DSG3: variants seen among roughly 807,000 people sequenced by gnomAD.
DSG3 encodes the protein desmoglein-3.
DSG3 carries 63 observed loss-of-function variants against 85.9 expected under a neutral mutation model. The ratio of observed to expected loss-of-function variants is 0.73; its 90% CI spans 0.60 to 0.90. The LOEUF (loss-of-function observed/expected upper bound fraction) is 0.90. DSG3 is among the 40% of genes least tolerant of loss of function. The pLI, the probability that DSG3 is intolerant of heterozygous loss-of-function variation, is 0.00. For synonymous variants in DSG3, 447 were observed against 441.9 expected (o/e 1.01, Z -0.14); for missense variants, 1,220 against 1,219.9 (o/e 1.00, Z 0.00).
rs766534357 is a variant in DSG3, at chr18:31,458,523, A to G, written c.295A>G (p.Ile99Val). 51 of 1,613,956 alleles carry G rather than the reference A, an allele frequency of 3.2e-5. No homozygotes were observed. Among genetic ancestry groups the G allele is most frequent in the Non-Finnish European group, 4.2e-5 (50 of 1,179,974 alleles). ...GVGIDQPPFGIFVVDKNTGDI... is the reference protein window; with the variant it reads ...GVGIDQPPFGVFVVDKNTGDI... ...GGGAATCGATCAGCCGCCTTTTGGA[A>G]TCTTTGTTGTTGACAAAAACACTGG... The change falls in exon 4 of 16, where the codon ATC (isoleucine) becomes GTC (valine). Residue 99 changes from isoleucine (I) to valine (V), a missense_variant. By Grantham distance (29) the Ile-to-Val change is conservative (BLOSUM62 3). Transcript: ENST00000257189.
At chr18:31,456,153 AACTG>A (rs2072740526) in intron 1 of DSG3, among the ~76,000 whole-genome samples, 1 of 152,318 alleles carries the variant, frequency 6.6e-6, no homozygotes, top group South Asian at 2.1e-4. Context: ...TGGTTGCTGC[AACTG>A]ACTATTAGGC....
Position 31,458,455 on chromosome 18 carries a change from A to T in DSG3, c.227A>T (p.Asp76Val), listed in dbSNP as rs770976449. 9 of 1,613,910 alleles carry T rather than the reference A, an allele frequency of 5.6e-6. No homozygotes were observed. The South Asian group carries it at 8.8e-5, about 16-fold the overall frequency. ...KRNPIAKITS[D>V]YQATQKITYR... ...TATTTGGGGCTGTAGATTACTTCAG[A>T]TTACCAAGCAACCCAGAAAATCACC... is the stretch of plus-strand genomic sequence containing the variant. Residue 76 changes from aspartate to valine, a missense_variant, in exon 4 of 16, where the codon GAT becomes GTT. Physicochemically the swap from Asp to Val is radical, Grantham distance 152. Coordinates refer to ENST00000257189, the MANE Select transcript of DSG3 (RefSeq NM_001944.3).
chr18:31,460,450 T>G (rs912775572), intron 6 of DSG3, among the ~76,000 whole-genome samples: 3 of 152,112 alleles, frequency 2.0e-5, no homozygotes, highest in Admixed American at 6.6e-5. Flanking sequence ...AATCTCCTTC[T>G]CCAATCCCCC....
At chr18:31,458,091 T>C (rs1480212363) in intron 3 of DSG3, among the ~76,000 whole-genome samples, 1 of 152,162 alleles carries the variant, frequency 6.6e-6, no homozygotes, top group Non-Finnish European at 1.5e-5. Flanking sequence ...ACTAAATAAA[T>C]ATCTTTTGTT....
chr18:31,454,302 G>A (rs1034297171), intron 1 of DSG3, among the ~76,000 whole-genome samples: 1 of 152,200 alleles, frequency 6.6e-6, no homozygotes, highest in Non-Finnish European at 1.5e-5. Flanking sequence ...TTTATGCGCT[G>A]AGAAAGGAAT....
At chr18:31,474,603 A>G (rs2144248100) in intron 15 of DSG3, among the ~76,000 whole-genome samples, 199 bp downstream of exon 15, 1 of 152,272 alleles carries the variant, frequency 6.6e-6, no homozygotes, top group South Asian at 2.1e-4. Context: ...CAAAAGAAGA[A>G]TGGGAGCCAG....
At chr18:31,461,026 G>A (rs1412767496) in intron 7 of DSG3, 65 bp downstream of exon 7, 4 of 1,458,666 alleles carry the variant, frequency 2.7e-6, no homozygotes, top group Non-Finnish European at 3.7e-6. Flanking sequence ...TCCTAATTCA[G>A]GACTTGCCTG....
chr18:31,465,603 C>CCCA, intron 10 of DSG3, 146 bp downstream of exon 10: 2 of 740,714 alleles, frequency 2.7e-6, no homozygotes, highest in Non-Finnish European at 3.7e-6. Context: ...AAGTTTGAGG[C>CCCA]AGCTGAATCC....
At position 31,476,300 on chromosome 18, in the gene DSG3, C is replaced by T; in HGVS notation, c.*40C>T. On this transcript the variant is annotated 3_prime_UTR_variant, in exon 16 of 16. Transcript: ENST00000257189. ...AATACCACACTGACCAAATCTGGATCTTTGGACTAAAGTATTCAAAATAGC... is the reference window on the plus strand; with the variant it reads ...AATACCACACTGACCAAATCTGGATTTTTGGACTAAAGTATTCAAAATAGC... 1.3e-6 allele frequency: 2 copies of T among 1,558,896 alleles called. No homozygotes were observed. Among genetic ancestry groups the T allele is most frequent in the Non-Finnish European group, 8.7e-7 (1 of 1,153,574 alleles).
chr18:31,474,132 A>T lies in DSG3; in HGVS notation c.2113A>T (p.Asn705Tyr), dbSNP rs1421435519. 6.2e-7 allele frequency: 1 copy of T among 1,612,246 alleles called. No homozygotes were observed. Among genetic ancestry groups the T allele is most frequent in the Non-Finnish European group, 8.5e-7 (1 of 1,178,370 alleles). The change falls in exon 15 of 16, where the codon AAT becomes TAT. Residue 705 changes from asparagine (N) to tyrosine (Y), a missense_variant. Transcript: ENST00000257189. ...DFMESSEVCT[N>Y]TYARGTAVEG... ...TCCCTTGTTTTTAGAAGTTTGTACA[A>T]ATACGTATGCCAGAGGCACAGCGGT...
intron 10 of DSG3, among the ~76,000 whole-genome samples, chr18:31,465,858 C>T (rs999823050): frequency 1.3e-5 from 2 of 152,106 alleles, no homozygotes; most frequent in African/African-American, 4.8e-5. Context: ...ATGCAATTTC[C>T]TCTTCTGGAA....
At chr18:31,462,895 T>C (rs2072794867) in intron 8 of DSG3, among the ~76,000 whole-genome samples, 1 of 152,200 alleles carries the variant, frequency 6.6e-6, no homozygotes, top group Non-Finnish European at 1.5e-5. Context: ...CATCCCTGGC[T>C]CTACACTGGC....
chr18:31,452,888 G>A (rs559345745), intron 1 of DSG3, among the ~76,000 whole-genome samples: 1 of 151,874 alleles, frequency 6.6e-6, no homozygotes, highest in African/African-American at 2.4e-5. Context: ...GAATATCCAG[G>A]GATATTTATT....
chr18:31,451,046 A>C (rs1402565637), intron 1 of DSG3, among the ~76,000 whole-genome samples: 1 of 152,152 alleles, frequency 6.6e-6, no homozygotes, highest in Non-Finnish European at 1.5e-5. Flanking sequence ...TGGGAGGAGA[A>C]GGCATGGGGA....
rs376551522 is a variant in DSG3, at chr18:31,475,915, C to G, written c.2655C>G (p.Gly885=). ...KDSGYGIESC[G]HPIEVQQTGF... ...GCGGTTATGGGATTGAATCCTGTGG[C>G]CATCCCATAGAAGTCCAGCAGACAG... is the stretch of plus-strand genomic sequence containing the variant. Residue 885 remains glycine, a synonymous_variant, in exon 16 of 16, where the codon GGC becomes GGG. Coordinates refer to ENST00000257189, the MANE Select transcript of DSG3 (RefSeq NM_001944.3). 1.2e-6 allele frequency: 2 copies of G among 1,614,030 alleles called. No homozygotes were observed. Among genetic ancestry groups the G allele is most frequent in the African/African-American group, 2.7e-5 (2 of 74,894 alleles).
In DSG3 at chr18:31,475,941, G is replaced by A; in HGVS notation, c.2681G>A (p.Gly894Glu). The change falls in exon 16 of 16, where the codon GGA (glycine) becomes GAA (glutamate). Residue 894 changes from glycine (G) to glutamate (E), a missense_variant. Transcript: ENST00000257189. Reference sequence around the variant, plus strand: ...CATCCCATAGAAGTCCAGCAGACAGGATTTGTTAAGTGCCAGACTTTGTCA... The same window carrying A: ...CATCCCATAGAAGTCCAGCAGACAGAATTTGTTAAGTGCCAGACTTTGTCA... ...CGHPIEVQQT[G>E]FVKCQTLSGS... The A allele has an allele frequency of 6.2e-7, 1 of 1,614,210 alleles. No individual in the cohort carries two copies. Among genetic ancestry groups the A allele is most frequent in the Non-Finnish European group, 8.5e-7 (1 of 1,180,046 alleles).
At chr18:31,457,255 A>T in intron 3 of DSG3, 131 bp downstream of exon 3, 2 of 672,346 alleles carry the variant, frequency 3.0e-6, no homozygotes, top group Non-Finnish European at 2.3e-6. Flanking sequence ...TGGTATCCTC[A>T]ACAAAATAGT....
intron 14 of DSG3, among the ~76,000 whole-genome samples, chr18:31,473,386 A>AAT (rs2072867369): frequency 6.6e-6 from 1 of 152,224 alleles, no homozygotes; most frequent in Non-Finnish European, 1.5e-5. Context: ...CTATTGCATT[A>AAT]ATATTATCTG....
In DSG3 at chr18:31,475,657, C is replaced by T; in HGVS notation, c.2397C>T (p.Ala799=). 2 of 1,613,650 alleles carry T rather than the reference C, an allele frequency of 1.2e-6. No individual in the cohort carries two copies. Among genetic ancestry groups the T allele is most frequent in the Admixed American group, 3.3e-5 (2 of 59,962 alleles). Residue 799 remains alanine (A), a synonymous_variant, in exon 16 of 16, where the codon GCC becomes GCT. Coordinates refer to ENST00000257189, the MANE Select transcript of DSG3 (RefSeq NM_001944.3). The part of the protein sequence containing the change: ...LDSYFSQKAF[A]CAEEDDGQEA... The stretch of plus-strand genomic sequence containing the variant: ...TTTCTCTGTCTTAGAAAGCATTTGC[C>T]TGTGCGGAGGAAGACGATGGCCAGG...
Sources: gnomAD v4.1 joint callset for allele counts (sites outside exome capture counted in the v4.1 genomes callset) on GRCh38, gnomAD v4.1.1 for gene constraint, MANE v1.5 for transcripts, NCBI Gene and HGNC (gene_info 2026-07-23, HGNC 2026-07-21) for gene names.